Variants in RASSF3 observed in about 807,000 individuals in gnomAD.
The protein encoded by RASSF3 is Ras association domain family member 3, also known as ras association domain-containing protein 3.
In RASSF3, 19 loss-of-function variants were observed where a neutral mutation model predicts 19.9. The ratio of observed to expected loss-of-function variants is 0.96; its 90% CI spans 0.67 to 1.40. The LOEUF is 1.40. RASSF3 is among the 40% of genes most tolerant of loss of function. The pLI is 0.00. For missense variants in RASSF3, 306 were observed against 289.8 expected (o/e 1.06, Z -0.41); for synonymous variants, 110 against 104.2 (o/e 1.06, Z -0.34).
At chr12:64,605,611 C>T (rs1289863916), upstream of RASSF3, among the ~76,000 whole-genome samples, 10 of 151,930 alleles carry the variant, frequency 6.6e-5, no homozygotes, top group East Asian at 9.7e-4. Flanking sequence ...GTATCTAGGC[C>T]GGGCGTGGTG....
At chr12:64,655,952 A>G (rs751518464) in intron 1 of RASSF3, among the ~76,000 whole-genome samples, 9 of 151,240 alleles carry the variant, frequency 6.0e-5, no homozygotes, top group Non-Finnish European at 1.0e-4. Context: ...GCTTAAACCC[A>G]GGAGATGGAG....
intron 2 of RASSF3, among the ~76,000 whole-genome samples, chr12:64,598,757 A>G (rs1227736395): frequency 2.6e-5 from 4 of 151,222 alleles, no homozygotes; most frequent in Non-Finnish European, 5.9e-5. Flanking sequence ...TTTAAATTAT[A>G]CTTTAAGTTC....
At chr12:64,561,999 T>A (rs1309468502) in intron 2 of RASSF3, among the ~76,000 whole-genome samples, 1 of 104,190 alleles carries the variant, frequency 9.6e-6, no homozygotes, top group African/African-American at 2.7e-5. Flanking sequence ...ATTTATTTAT[T>A]TATTTATTTA....
chr12:64,618,935 AAAG>A (rs970697408), intron 1 of RASSF3, among the ~76,000 whole-genome samples: 2 of 152,192 alleles, frequency 1.3e-5, no homozygotes, highest in Admixed American at 6.5e-5. Flanking sequence ...TAATAAAAAA[AAAG>A]AAAGAATGTA....
intron 3 of RASSF3, among the ~76,000 whole-genome samples, chr12:64,688,934 G>C (rs755256715): frequency 1.3e-5 from 2 of 152,142 alleles, no homozygotes; most frequent in African/African-American, 4.8e-5. Flanking sequence ...TGATGGAAAC[G>C]GCCCAGCCCT....
chr12:64,650,210 C>T (rs1056043914), intron 1 of RASSF3, among the ~76,000 whole-genome samples: 2 of 152,040 alleles, frequency 1.3e-5, no homozygotes, highest in African/African-American at 4.8e-5. Flanking sequence ...TCTGGCTTAC[C>T]CTCCCAGATG....
chr12:64,599,394 T>C (rs562155074), intron 2 of RASSF3, among the ~76,000 whole-genome samples: 29 of 152,344 alleles, frequency 1.9e-4, no homozygotes, highest in African/African-American at 7.0e-4. Flanking sequence ...AAATCAATGT[T>C]GGAAAGTTCA....
chr12:64,643,503 T>A (rs2136184993), intron 1 of RASSF3, among the ~76,000 whole-genome samples: 1 of 151,832 alleles, frequency 6.6e-6, no homozygotes, highest in Non-Finnish European at 1.5e-5. Flanking sequence ...TTCTTGTGAA[T>A]AGCCACTGCA....
chr12:64,606,693 T>C (rs1055088890), upstream of RASSF3, among the ~76,000 whole-genome samples: 17 of 152,126 alleles, frequency 1.1e-4, no homozygotes, highest in Admixed American at 1.1e-3. Context: ...TGCGTGCCTG[T>C]AATCCTAGCT....
At chr12:64,650,408 CTT>C (rs67304103) in intron 1 of RASSF3, among the ~76,000 whole-genome samples, 231 of 85,450 alleles carry the variant, frequency 2.7e-3, no homozygotes, top group African/African-American at 9.7e-3. Context: ...TTTTTTTTTC[CTT>C]TTTTTTTTTT....
At chr12:64,684,037 T>TGTGTGTGTGTG (rs1873241184) in intron 1 of RASSF3, among the ~76,000 whole-genome samples, 5 of 145,992 alleles carry the variant, frequency 3.4e-5, no homozygotes, top group African/African-American at 1.0e-4. Context: ...TGTGTGTGTG[T>TGTGTGTGTGTG]TTCAAGGTAA....
intron 1 of RASSF3, among the ~76,000 whole-genome samples, chr12:64,525,490 C>T (rs1228435658): frequency 6.6e-6 from 1 of 152,146 alleles, no homozygotes; most frequent in Non-Finnish European, 1.5e-5. Context: ...CTCCTTTTAG[C>T]AGGCCTGACT....
chr12:64,613,091 G>A (rs1870426624), intron 1 of RASSF3, among the ~76,000 whole-genome samples: 1 of 152,168 alleles, frequency 6.6e-6, no homozygotes, highest in Admixed American at 6.6e-5. Context: ...ATTTAAAGAA[G>A]TGATATGAAT....
chr12:64,528,182 A>G (rs1244926396), intron 1 of RASSF3, among the ~76,000 whole-genome samples: 3 of 152,272 alleles, frequency 2.0e-5, no homozygotes, highest in South Asian at 4.2e-4. Context: ...CTGAAGTGAG[A>G]GGATCACTTG....
At chr12:64,600,482 C>G (rs958814743) in intron 2 of RASSF3, among the ~76,000 whole-genome samples, 1 of 152,150 alleles carries the variant, frequency 6.6e-6, no homozygotes, top group Admixed American at 6.5e-5. Flanking sequence ...GAGGAACAAC[C>G]TGCCTAATTA....
chr12:64,632,663 G>A (rs983830669), intron 1 of RASSF3, among the ~76,000 whole-genome samples: 1 of 152,056 alleles, frequency 6.6e-6, no homozygotes, highest in Non-Finnish European at 1.5e-5. Context: ...TGGGGAGCAC[G>A]GGAGGAAGAG....
chr12:64,569,793 T>C (rs143958154), intron 2 of RASSF3, among the ~76,000 whole-genome samples: 592 of 152,220 alleles, frequency 3.9e-3, no homozygotes, highest in African/African-American at 0.013. Flanking sequence ...TGAAGAAACC[T>C]TGTTTCTACT....
intron 1 of RASSF3, among the ~76,000 whole-genome samples, chr12:64,632,188 G>C (rs1871189607): frequency 6.6e-6 from 1 of 152,058 alleles, no homozygotes; most frequent in African/African-American, 2.4e-5. Context: ...GGCAGGCACC[G>C]GGCCAGAAGA....
intron 3 of RASSF3, 101 bp from the exon 4 acceptor site, chr12:64,691,369 A>T: frequency 2.6e-6 from 2 of 765,834 alleles, no homozygotes; most frequent in Non-Finnish European, 4.6e-6. Flanking sequence ...GGCTGGGGTA[A>T]CTTGGATGGT....
Sources: allele counts gnomAD v4.1 joint callset (sites outside exome capture counted in the v4.1 genomes callset), GRCh38; gene constraint gnomAD v4.1.1; transcripts MANE v1.5; gene names NCBI Gene and HGNC (gene_info 2026-07-23, HGNC 2026-07-21).